Variants in TOPBP1 observed in about 807,000 individuals in gnomAD.
The protein encoded by TOPBP1 is DNA topoisomerase II binding protein 1.
Under a neutral mutation model 167.7 loss-of-function variants are expected in TOPBP1, and 28 were observed. That is an observed-to-expected ratio of 0.17 (90% CI 0.12 to 0.23). The LOEUF (loss-of-function observed/expected upper bound fraction) is 0.23. TOPBP1 is among the 10% of genes least tolerant of loss of function. The pLI is 1.00. For missense variants in TOPBP1, 1,554 were observed against 1,809.6 expected, an observed-to-expected ratio of 0.86 and a Z score of 2.56; for synonymous variants, 598 against 611.4, an observed-to-expected ratio of 0.98 and a Z score of 0.32.
chr3:133,656,555 G>A, intron 5 of TOPBP1, 121 bp downstream of exon 5: 1 of 972,232 alleles, frequency 1.0e-6, no homozygotes, highest in South Asian at 2.2e-5. Flanking sequence ...TTTCGCTGGA[G>A]AAAAGAGTAA....
chr3:133,654,189 TA>T (rs1382694400), intron 6 of TOPBP1, among the ~76,000 whole-genome samples: 1 of 152,236 alleles, frequency 6.6e-6, no homozygotes, highest in Non-Finnish European at 1.5e-5. Flanking sequence ...TTAATTTCTT[TA>T]AACCAGCTTG....
chr3:133,614,268 T>C (rs1397560438), intron 23 of TOPBP1, among the ~76,000 whole-genome samples: 1 of 152,196 alleles, frequency 6.6e-6, no homozygotes, highest in Non-Finnish European at 1.5e-5. Context: ...TTACTATTAT[T>C]ATCTGCATTT....
chr3:133,645,219 T>A (rs1439132604), intron 10 of TOPBP1, among the ~76,000 whole-genome samples: 1 of 152,200 alleles, frequency 6.6e-6, no homozygotes, highest in African/African-American at 2.4e-5. Context: ...TACACTGCAA[T>A]ATATATTAGG....
rs145127464 is a variant in TOPBP1 at position 133,647,145 on chromosome 3, C to T, written c.1504+2238G>A. Among the ~76,000 whole-genome samples the T allele has an allele frequency of 7.2e-3, 1,091 of 152,160 alleles. 18 individuals are homozygous for T. The highest frequency in any genetic ancestry group is 0.023 in the African/African-American group (940 of 41,538). On this transcript the variant is annotated intron_variant, in intron 10 of 27. Coordinates refer to ENST00000260810, the MANE Select transcript of TOPBP1 (RefSeq NM_007027.4). ...AACAGACCAAAACTAACCAACCAAC[C>T]AACAACAAATCTGCCCTGTAAAGGA...
chr3:133,613,784 C>CTTT (rs11393295), intron 23 of TOPBP1, among the ~76,000 whole-genome samples: 35 of 127,260 alleles, frequency 2.8e-4, no homozygotes, highest in African/African-American at 5.4e-4. Context: ...ATATCAAGGA[C>CTTT]TTTTTTTTTT....
intron 22 of TOPBP1, 21 bp downstream of exon 22, chr3:133,617,139 C>T: frequency 1.3e-6 from 2 of 1,590,974 alleles, no homozygotes; most frequent in South Asian, 1.1e-5. Context: ...AGCTGTATCA[C>T]CATATTAAGG....
At chr3:133,620,765 C>T (rs574997307) in intron 19 of TOPBP1, among the ~76,000 whole-genome samples, 3 of 151,850 alleles carry the variant, frequency 2.0e-5, no homozygotes, top group East Asian at 1.9e-4. Context: ...AGTAGAGACG[C>T]GGTTTCGCCA....
At chr3:133,603,675 A>G (rs1380089721) in intron 27 of TOPBP1, among the ~76,000 whole-genome samples, 2 of 152,126 alleles carry the variant, frequency 1.3e-5, no homozygotes, top group Non-Finnish European at 2.9e-5. Flanking sequence ...AACTAGCAAC[A>G]AAGTTTGAAA....
At chr3:133,604,259 C>T (rs1444312936) in intron 27 of TOPBP1, among the ~76,000 whole-genome samples, 2 of 151,608 alleles carry the variant, frequency 1.3e-5, no homozygotes, top group Non-Finnish European at 2.9e-5. Flanking sequence ...CTCAGCCTCC[C>T]GAGTGGCTGG....
At chr3:133,660,929 T>C in intron 2 of TOPBP1, 115 bp downstream of exon 2, 1 of 731,548 alleles carries the variant, frequency 1.4e-6, no homozygotes, top group East Asian at 2.9e-5. Context: ...TAATGTAGAC[T>C]ATAAAATTAT....
rs761480701 is a variant in TOPBP1, at chr3:133,640,038, T to G, written c.2154A>C (p.Ile718=). ...AKKWNLPAVT[I]AWLLETARTG... ...TTCTAGCAGTCTCCAACAGCCAAGC[T>G]ATAGTAACGGCAGGTAAATTCCACT... Residue 718 remains isoleucine, a synonymous_variant, in exon 13 of 28, where the codon ATA becomes ATC. Transcript: ENST00000260810. 1 of 1,613,956 alleles carries G rather than the reference T, an allele frequency of 6.2e-7. No individual in the cohort carries two copies. The highest frequency in any genetic ancestry group is 8.5e-7 in the Non-Finnish European group (1 of 1,179,860).
chr3:133,643,577 T>C (rs897854662), intron 11 of TOPBP1, among the ~76,000 whole-genome samples: 4 of 152,188 alleles, frequency 2.6e-5, no homozygotes, highest in African/African-American at 9.6e-5. Context: ...CATCGACTAA[T>C]TACATTAGGC....
chr3:133,615,088 T>TA (rs1934820714), intron 23 of TOPBP1, among the ~76,000 whole-genome samples: 1 of 148,478 alleles, frequency 6.7e-6, no homozygotes, highest in Non-Finnish European at 1.5e-5. Flanking sequence ...TTTTTTTTTT[T>TA]AAAGCATATC....
chr3:133,619,229 AT>A (rs1328416725), intron 20 of TOPBP1, among the ~76,000 whole-genome samples: 1 of 152,034 alleles, frequency 6.6e-6, no homozygotes, highest in Admixed American at 6.5e-5. Flanking sequence ...ATAGCCTTTT[AT>A]TCTCACACTA....
At chr3:133,649,741 A>G (rs1283874084) in intron 9 of TOPBP1, 39 bp downstream of exon 9, 6 of 1,583,298 alleles carry the variant, frequency 3.8e-6, no homozygotes, top group Non-Finnish European at 5.1e-6. Flanking sequence ...AAGAAAAATT[A>G]TGTAGTAGAA....
In TOPBP1 at chr3:133,625,932, G is replaced by A. The variant is rs967907118; in HGVS notation, c.2805-1757C>T. Among the ~76,000 whole-genome samples the A allele has an allele frequency of 2.0e-5, 3 of 152,138 alleles. No individual in the cohort carries two copies. The South Asian group carries it at 6.2e-4, about 32-fold the overall frequency. On this transcript the variant is annotated intron_variant, in intron 16 of 27. Coordinates refer to ENST00000260810, the MANE Select transcript of TOPBP1 (RefSeq NM_007027.4). ...TATCAAGATAATTCAGAAAAACAGA[G>A]GAGTATTTTTGCCTGAATCAATTTG... is the stretch of plus-strand genomic sequence containing the variant.
At chr3:133,603,031 G>T (rs1454575869) in intron 27 of TOPBP1, among the ~76,000 whole-genome samples, 1 of 151,874 alleles carries the variant, frequency 6.6e-6, no homozygotes, top group Non-Finnish European at 1.5e-5. Context: ...AAGCAGCTGG[G>T]ATTACAGGTG....
chr3:133,620,031 T>G, intron 20 of TOPBP1, 124 bp downstream of exon 20: 2 of 993,930 alleles, frequency 2.0e-6, no homozygotes, highest in Non-Finnish European at 2.9e-6. Context: ...TTTTACTGCA[T>G]ATTGGGGAAA....
At position 133,643,361 on chromosome 3, in the gene TOPBP1, T is replaced by C. The variant is rs758266427; in HGVS notation, c.1860A>G (p.Ile620Met). Residue 620 changes from isoleucine (I) to methionine (M), a missense_variant, in exon 12 of 28, where the codon ATA (isoleucine) becomes ATG (methionine). Transcript: ENST00000260810. ...TTGGATCAAACAAAGTCTGATAGTCTATGCAAGTAACCTTTTAAAAACAAA... is the reference window on the plus strand; with the variant it reads ...TTGGATCAAACAAAGTCTGATAGTCCATGCAAGTAACCTTTTAAAAACAAA... ...VVTNTWLVTCIDYQTLFDPKS... is the reference protein window; with the variant it reads ...VVTNTWLVTCMDYQTLFDPKS... 1.0e-5 allele frequency: 16 copies of C among 1,583,422 alleles called. No individual in the cohort carries two copies. The highest frequency in any genetic ancestry group is 1.2e-5 in the Non-Finnish European group (14 of 1,169,350).
Sources: allele counts gnomAD v4.1 joint callset (sites outside exome capture counted in the v4.1 genomes callset), GRCh38; gene constraint gnomAD v4.1.1; transcripts MANE v1.5; gene names NCBI Gene and HGNC (gene_info 2026-07-23, HGNC 2026-07-21).